CARMIL1: variants seen among roughly 807,000 people sequenced by gnomAD.
The protein encoded by CARMIL1 is F-actin-uncapping protein LRRC16A.
Under a neutral mutation model 177.1 loss-of-function variants are expected in CARMIL1, and 90 were observed. That is an observed-to-expected ratio of 0.51 (90% confidence interval 0.43 to 0.61). The LOEUF (loss-of-function observed/expected upper bound fraction) is 0.61. Ranked by LOEUF, CARMIL1 falls within the 20% of genes least tolerant of loss-of-function variation. The pLI is 0.00. For synonymous variants in CARMIL1, 577 were observed against 606.2 expected, an observed-to-expected ratio of 0.95 and a Z score of 0.71; for missense variants, 1,380 against 1,667.0, an observed-to-expected ratio of 0.83 and a Z score of 3.00.
chr6:25,500,715 C>A (rs1006935019), intron 17 of CARMIL1, among the ~76,000 whole-genome samples: 1 of 146,954 alleles, frequency 6.8e-6, no homozygotes, highest in African/African-American at 2.4e-5. Context: ...CAAATACTTC[C>A]TATCAAAGAG....
intron 5 of CARMIL1, among the ~76,000 whole-genome samples, chr6:25,441,331 A>ATG (rs1296177997): frequency 1.1e-3 from 46 of 43,224 alleles, no homozygotes; most frequent in African/African-American, 3.0e-3. Flanking sequence ...ATATATATAT[A>ATG]TATATATGTG....
At chr6:25,537,510 G>A (rs925467842) in intron 24 of CARMIL1, among the ~76,000 whole-genome samples, 2 of 152,116 alleles carry the variant, frequency 1.3e-5, no homozygotes, top group Non-Finnish European at 2.9e-5. Flanking sequence ...GTTAATGAAG[G>A]AGTTAGTATC....
At chr6:25,605,017 C>G in intron 34 of CARMIL1, 124 bp downstream of exon 34, 1 of 722,448 alleles carries the variant, frequency 1.4e-6, no homozygotes, top group Non-Finnish European at 2.3e-6. Context: ...GTTGTGTGTT[C>G]TCAGCTATCA....
At position 25,610,088 on chromosome 6, in the gene CARMIL1, C is replaced by T; in HGVS notation, c.3886C>T (p.Leu1296Phe). 1 of 1,613,904 alleles carries T rather than the reference C, an allele frequency of 6.2e-7. No homozygotes were observed. The highest frequency in any genetic ancestry group is 1.1e-5 in the South Asian group (1 of 91,070). ...PDSPSSPKVA[L>F]LPPVLKKVPS... The stretch of plus-strand genomic sequence containing the variant: ...CTCTCCATCTAGCCCGAAAGTTGCC[C>T]TTCTTCCACCTGTCCTGAAAAAAGT... The change falls in exon 36 of 37, where the codon CTT (leucine) becomes TTT (phenylalanine). Residue 1296 changes from leucine (L) to phenylalanine (F), a missense_variant. Transcript: ENST00000329474.
rs536784928 is a variant in CARMIL1 at position 25,436,807 on chromosome 6, C to CG, written c.371+1208dup. Among the ~76,000 whole-genome samples the CG allele has an allele frequency of 1.9e-3, 295 of 152,202 alleles. 1 individual carries two copies. Among genetic ancestry groups the CG allele is most frequent in the Non-Finnish European group, 2.2e-3 (150 of 68,016 alleles). On this transcript the variant is annotated intron_variant, in intron 5 of 36. Coordinates refer to ENST00000329474, the MANE Select transcript of CARMIL1 (RefSeq NM_017640.6). The stretch of plus-strand genomic sequence containing the variant: ...TCTGATTATCAGGGTAGCTGGTTGC[C>CG]GGGGGAGCTAAGTGTCCCTGGCCTC...
chr6:25,525,955 A>G (rs1182338139), intron 23 of CARMIL1, among the ~76,000 whole-genome samples: 1 of 152,192 alleles, frequency 6.6e-6, no homozygotes, highest in Non-Finnish European at 1.5e-5. Flanking sequence ...CATGGTAGAT[A>G]TGAATCCTAC....
intron 2 of CARMIL1, among the ~76,000 whole-genome samples, chr6:25,353,614 A>G (rs1478990838): frequency 1.3e-5 from 2 of 152,178 alleles, no homozygotes; most frequent in East Asian, 3.8e-4. Flanking sequence ...CTAGCCTTTT[A>G]TAATGTATTT....
intron 2 of CARMIL1, among the ~76,000 whole-genome samples, chr6:25,354,330 A>ATTTTTT (rs67395838): frequency 5.0e-5 from 4 of 80,564 alleles, no homozygotes; most frequent in Admixed American, 1.6e-4. Flanking sequence ...GACTAATTAA[A>ATTTTTT]TTTTTTTTTT....
chr6:25,509,773 AT>A lies in CARMIL1; in HGVS notation c.1477+42del, dbSNP rs771561453. 2.1e-5 allele frequency: 30 copies of A among 1,400,044 alleles called. No individual in the cohort carries two copies. The South Asian group carries it at 3.5e-4, about 16-fold the overall frequency. 86.7% of individuals were successfully genotyped at this position (1,400,044 alleles called of 1,614,324 possible). A position where few individuals can be genotyped will look rare whatever the true frequency, so the allele number is the denominator to read the frequency against. Reference sequence around the variant, plus strand: ...TATTGAAAAGAAATGAAACTGAAATATTTTTTGAAGCAAGTTAATAAGGGGA... The same window carrying A: ...TATTGAAAAGAAATGAAACTGAAATATTTTTGAAGCAAGTTAATAAGGGGA... On this transcript the variant is annotated intron_variant, in intron 18 of 36. Transcript: ENST00000329474. This position sits in a 1 kb window ranked among gnomAD's most constrained non-coding sequence, Gnocchi z 4.1.
chr6:25,591,433 G>A (rs1814290417), intron 31 of CARMIL1, among the ~76,000 whole-genome samples: 1 of 152,174 alleles, frequency 6.6e-6, no homozygotes, highest in South Asian at 2.1e-4. Context: ...CAAATGCAGT[G>A]GATTCTGGCC....
At chr6:25,420,436 G>A in intron 3 of CARMIL1, 1 of 361,090 alleles carries the variant, frequency 2.8e-6, no homozygotes, top group African/African-American at 2.1e-5. Flanking sequence ...TTGTGTAAAG[G>A]CATCCCAAGA....
chr6:25,538,129 C>A, intron 25 of CARMIL1, 146 bp downstream of exon 25: 2 of 827,366 alleles, frequency 2.4e-6, no homozygotes, highest in Non-Finnish European at 3.7e-6. Context: ...TAGCCTTGAC[C>A]TCCTTTCTGT....
At position 25,333,786 on chromosome 6, in the gene CARMIL1, C is replaced by A. The variant is rs1313411667; in HGVS notation, c.138+48877C>A. Among the ~76,000 whole-genome samples the A allele has an allele frequency of 3.3e-5, 5 of 152,064 alleles. No individual in the cohort carries two copies. The East Asian group carries it at 9.6e-4, about 29-fold the overall frequency. On this transcript the variant is annotated intron_variant, in intron 2 of 36. Transcript: ENST00000329474. ...TGGGTGAGTTGTTCTTTATTTCTGG[C>A]AAAACTGGTAGGCTCCATATAACTG...
At chr6:25,330,647 C>G (rs186302390) in intron 2 of CARMIL1, among the ~76,000 whole-genome samples, 35 of 150,748 alleles carry the variant, frequency 2.3e-4, no homozygotes, top group African/African-American at 6.8e-4. Flanking sequence ...CGAGACCAGC[C>G]TGGGCAACAT....
chr6:25,581,301 G>A lies in CARMIL1; in HGVS notation c.2868G>A (p.Pro956=), dbSNP rs769658782. ...LEEVPIHIED[P]PFPSLRQEKR... The stretch of plus-strand genomic sequence containing the variant: ...AGGTACCAATTCACATCGAAGACCC[G>A]CCCTTCCCATCCCTCAGACAGGAGA... The change falls in exon 31 of 37, where the codon CCG becomes CCA. Residue 956 remains proline (P), a synonymous_variant. Coordinates refer to ENST00000329474, the MANE Select transcript of CARMIL1 (RefSeq NM_017640.6). 1.4e-5 allele frequency: 23 copies of A among 1,612,976 alleles called. No homozygotes were observed. Among genetic ancestry groups the A allele is most frequent in the Admixed American group, 1.0e-4 (6 of 59,956 alleles).
intron 2 of CARMIL1, among the ~76,000 whole-genome samples, chr6:25,310,544 C>T (rs953740963): frequency 1.3e-5 from 2 of 152,066 alleles, no homozygotes; most frequent in East Asian, 1.9e-4. Flanking sequence ...GCTATATGAG[C>T]GCATCTAGCA....
At chr6:25,441,392 T>C (rs906082525) in intron 5 of CARMIL1, among the ~76,000 whole-genome samples, 31 of 150,254 alleles carry the variant, frequency 2.1e-4, no homozygotes, top group Admixed American at 1.9e-3. Context: ...TGTGTGTGTA[T>C]GTATATGTAA....
At chr6:25,535,150 A>G (rs2151117727) in intron 24 of CARMIL1, among the ~76,000 whole-genome samples, 1 of 152,272 alleles carries the variant, frequency 6.6e-6, no homozygotes, top group South Asian at 2.1e-4. Flanking sequence ...AGCTCTGTTC[A>G]TCTCAGCTCT....
intron 11 of CARMIL1, chr6:25,479,275 C>G (rs779522959): frequency 5.9e-6 from 3 of 509,778 alleles, no homozygotes; most frequent in Non-Finnish European, 1.2e-5. Context: ...CCTATGTACT[C>G]CTTTGTGTGT....
Sources: gnomAD v4.1 joint callset for allele counts (sites outside exome capture counted in the v4.1 genomes callset) on GRCh38, gnomAD v4.1.1 for gene constraint, Gnocchi (gnomAD v3.1) non-coding constraint, MANE v1.5 for transcripts, NCBI Gene and HGNC (gene_info 2026-07-23, HGNC 2026-07-21) for gene names.